Variants in ACSL1 observed in about 807,000 individuals in gnomAD.
ACSL1 encodes the protein acyl-CoA synthetase long chain family member 1, also known as long-chain-fatty-acid--CoA ligase 1.
Under a neutral mutation model 98.4 loss-of-function variants are expected in ACSL1, and 41 were observed. That is an observed-to-expected ratio of 0.42 (90% CI 0.32 to 0.54). ACSL1 has a LOEUF of 0.54. ACSL1 is among the 20% of genes least tolerant of loss of function. The pLI, the probability that ACSL1 is intolerant of heterozygous loss-of-function variation, is 0.13. For synonymous variants in ACSL1, 316 were observed against 322.7 expected (o/e 0.98, Z 0.22); for missense variants, 734 against 883.1 (o/e 0.83, Z 2.14).
At chr4:184,816,035 G>A (rs539319726) in intron 1 of ACSL1, among the ~76,000 whole-genome samples, 17 of 152,024 alleles carry the variant, frequency 1.1e-4, no homozygotes, top group Middle Eastern at 3.4e-3. Context: ...CAGGAGAGTC[G>A]ATTGAACCTG....
At position 184,803,505 on chromosome 4, in the gene ACSL1, G is replaced by A. The variant is rs1430794011; in HGVS notation, c.10C>T (p.His4Tyr). 1 of 1,587,052 alleles carries A rather than the reference G, an allele frequency of 6.3e-7. No individual in the cohort carries two copies. The highest frequency in any genetic ancestry group is 8.6e-7 in the Non-Finnish European group (1 of 1,165,052). The change falls in exon 2 of 21, where the codon CAT becomes TAT. Residue 4 changes from histidine to tyrosine, a missense_variant. His to Tyr is a moderately conservative substitution (Grantham distance 83, BLOSUM62 2). Coordinates refer to ENST00000281455, the MANE Select transcript of ACSL1 (RefSeq NM_001995.5). This position sits in a 1 kb window ranked among gnomAD's most constrained non-coding sequence, Gnocchi z 4.8. The part of the protein sequence containing the change: MQA[H>Y]ELFRYFRMPE... ...ATTCGAAAATACCGGAACAGCTCAT[G>A]GGCTTGCATTGTCCTGTGTTGATAG...
chr4:184,815,535 G>A (rs73875825), intron 1 of ACSL1, among the ~76,000 whole-genome samples: 2,942 of 152,196 alleles, frequency 0.019, 109 homozygotes, highest in African/African-American at 0.067. Flanking sequence ...TGTCTTCAAG[G>A]AGTCCACAGC....
At chr4:184,768,230 A>G (rs1763922997) in intron 12 of ACSL1, 86 bp downstream of exon 12, 1 of 1,407,852 alleles carries the variant, frequency 7.1e-7, no homozygotes, top group African/African-American at 1.5e-5. Flanking sequence ...GGTCATACAG[A>G]TGGCACATGG....
chr4:184,783,871 C>T, intron 4 of ACSL1, 56 bp downstream of exon 4: 1 of 1,512,328 alleles, frequency 6.6e-7, no homozygotes, highest in Non-Finnish European at 9.2e-7. Flanking sequence ...AATGCACATA[C>T]AGAAGCACCC....
intron 2 of ACSL1, among the ~76,000 whole-genome samples, chr4:184,797,762 A>T (rs996840954): frequency 1.3e-5 from 2 of 152,218 alleles, no homozygotes; most frequent in African/African-American, 2.4e-5. Flanking sequence ...AAGGGGTCCG[A>T]GCGGTACTTC....
intron 1 of ACSL1, among the ~76,000 whole-genome samples, chr4:184,807,036 G>T (rs1207972730): frequency 2.0e-5 from 3 of 152,156 alleles, no homozygotes; most frequent in Non-Finnish European, 4.4e-5. Context: ...TAAGGAAAAG[G>T]CACTTGGGGT....
intron 1 of ACSL1, among the ~76,000 whole-genome samples, chr4:184,812,554 A>G (rs924707365): frequency 6.6e-6 from 1 of 152,128 alleles, no homozygotes; most frequent in African/African-American, 2.4e-5. Context: ...TGTAAAGGGG[A>G]CATAAAAATA....
Position 184,825,173 on chromosome 4 carries a change from G to A in ACSL1, c.-33+743C>T, listed in dbSNP as rs201780604. 1.5e-5 allele frequency: 15 copies of A among 985,282 alleles called. No homozygotes were observed. In the East Asian group the frequency reaches 6.8e-4, roughly 45 times the overall value. The allele number at this position is 985,282 out of a possible 1,614,324, so 61.0% of individuals were successfully genotyped here. Reference sequence around the variant, plus strand: ...CACACTCTCACAACGCACCGACTGGGGGAACGCCTGTCCCCAGACTCGAAT... The same window carrying A: ...CACACTCTCACAACGCACCGACTGGAGGAACGCCTGTCCCCAGACTCGAAT... On this transcript the variant is annotated intron_variant, in intron 1 of 20. Transcript: ENST00000281455. This position sits in a 1 kb window ranked among gnomAD's most constrained non-coding sequence, Gnocchi z 4.7.
At position 184,803,172 on chromosome 4, in the gene ACSL1, A is replaced by T; in HGVS notation, c.195+148T>A. 1 of 880,718 alleles carries T rather than the reference A, an allele frequency of 1.1e-6. No homozygotes were observed. The highest frequency in any genetic ancestry group is 1.6e-6 in the Non-Finnish European group (1 of 606,968). 54.6% of individuals were successfully genotyped at this position (880,718 alleles called of 1,614,324 possible). On this transcript the variant is annotated intron_variant, in intron 2 of 20. Coordinates refer to ENST00000281455, the MANE Select transcript of ACSL1 (RefSeq NM_001995.5). The surrounding 1 kb of genome is among the most constrained non-coding windows in gnomAD (Gnocchi z 4.8). ...TATATTTTGCCCTGTACCTCTATTT[A>T]CCACCATCAGTAATTTGGCACATTT...
intron 1 of ACSL1, among the ~76,000 whole-genome samples, chr4:184,810,331 T>C (rs1771922897): frequency 1.3e-5 from 2 of 152,172 alleles, no homozygotes; most frequent in Admixed American, 1.3e-4. Flanking sequence ...CTGTTCCAAA[T>C]ACAGGGGCTG....
intron 11 of ACSL1, 86 bp from the exon 12 acceptor site, chr4:184,768,536 A>G (rs1310223233): frequency 2.0e-6 from 3 of 1,515,076 alleles, no homozygotes; most frequent in Non-Finnish European, 2.6e-6. Context: ...TTTCAGTTTT[A>G]GCATTTCAGG....
rs1764896945 is a variant in ACSL1, at chr4:184,773,987, G to T, written c.757-112C>A. The stretch of plus-strand genomic sequence containing the variant: ...TTACTGTGGGGTTCATTCACACCTG[G>T]CTCGAAAACAGCATAATTTTCTAAT... On this transcript the variant is annotated intron_variant, in intron 7 of 20. Coordinates refer to ENST00000281455, the MANE Select transcript of ACSL1 (RefSeq NM_001995.5). This position sits in a 1 kb window ranked among gnomAD's most constrained non-coding sequence, Gnocchi z 4.3. The T allele has an allele frequency of 3.5e-6, 4 of 1,138,458 alleles. No homozygotes were observed. The highest frequency in any genetic ancestry group is 5.1e-6 in the Non-Finnish European group (4 of 782,198). 70.5% of individuals were successfully genotyped at this position (1,138,458 alleles called of 1,614,324 possible).
At chr4:184,772,448 G>C (rs890891491) in intron 10 of ACSL1, among the ~76,000 whole-genome samples, 1 of 152,206 alleles carries the variant, frequency 6.6e-6, no homozygotes, top group African/African-American at 2.4e-5. Context: ...GGTTCAATAA[G>C]CACCTTTTTA....
At chr4:184,804,270 AC>A (rs1049403205) in intron 1 of ACSL1, among the ~76,000 whole-genome samples, 11 of 152,240 alleles carry the variant, frequency 7.2e-5, no homozygotes, top group Non-Finnish European at 1.5e-4. Flanking sequence ...GAAAGAAAGT[AC>A]AGAATAGTAT....
In ACSL1 at chr4:184,784,002, A is replaced by G; in HGVS notation, c.311-11T>C. 1.2e-6 allele frequency: 2 copies of G among 1,609,580 alleles called. No individual in the cohort carries two copies. The highest frequency in any genetic ancestry group is 8.5e-7 in the Non-Finnish European group (1 of 1,176,488). On this transcript the variant is annotated splice_polypyrimidine_tract_variant and intron_variant, in intron 3 of 20. Coordinates refer to ENST00000281455, the MANE Select transcript of ACSL1 (RefSeq NM_001995.5). ...AACAAGGGCCATTATCTAAAAAAAG[A>G]GAAAAAACAACAGATGGGCTGAACG...
At chr4:184,772,765 G>GA (rs1296341940) in intron 10 of ACSL1, among the ~76,000 whole-genome samples, 1 of 152,202 alleles carries the variant, frequency 6.6e-6, no homozygotes, top group Non-Finnish European at 1.5e-5. Context: ...AAAAACACAA[G>GA]AGAGTCCATC....
At chr4:184,777,018 G>T in intron 5 of ACSL1, 35 bp from the exon 6 acceptor site, 2 of 1,553,720 alleles carry the variant, frequency 1.3e-6, no homozygotes, top group Non-Finnish European at 1.8e-6. Context: ...AGAGAAAACA[G>T]GATGTCATCA....
chr4:184,826,161 G>C (rs961415167), upstream of ACSL1: 2 of 148,056 alleles, frequency 1.4e-5, no homozygotes, highest in African/African-American at 4.9e-5. Flanking sequence ...CCGAGCGCCC[G>C]GCCGCCCTCC....
chr4:184,780,377 A>C lies in ACSL1; in HGVS notation c.432T>G (p.Thr144=), dbSNP rs758897980. 6 of 1,613,760 alleles carry C rather than the reference A, an allele frequency of 3.7e-6. No individual in the cohort carries two copies. The East Asian group carries it at 8.9e-5, about 24-fold the overall frequency. ...AGATGCCAATGAACTGATCTGGGGC[A>C]GTCTTGAAGCCCTTCTGGATCAGTG... ...GSALIQKGFK[T]APDQFIGIFA... is the part of the protein sequence containing the mutation. The change falls in exon 5 of 21, where the codon ACT becomes ACG. Residue 144 remains threonine, a synonymous_variant. Transcript: ENST00000281455.
Sources: allele counts gnomAD v4.1 joint callset (sites outside exome capture counted in the v4.1 genomes callset), GRCh38; gene constraint gnomAD v4.1.1; non-coding constraint Gnocchi (gnomAD v3.1); transcripts MANE v1.5; gene names NCBI Gene and HGNC (gene_info 2026-07-23, HGNC 2026-07-21).